Variants in AARS1 observed in about 807,000 individuals in gnomAD.
AARS1 encodes the protein alanine--tRNA ligase, cytoplasmic.
Under a neutral mutation model 108.9 loss-of-function variants are expected in AARS1, and 72 were observed. The observed-to-expected ratio is 0.66, with a 90% CI of 0.55 to 0.80. The LOEUF is 0.80. Ranked by LOEUF, AARS1 falls within the 30% of genes least tolerant of loss-of-function variation. AARS1 has a pLI of 0.00. For missense variants in AARS1, 1,193 were observed against 1,233.2 expected (o/e 0.97, Z 0.49); for synonymous variants, 489 against 465.7 (o/e 1.05, Z -0.64).
At chr16:70,271,181 C>T (rs578152547) in intron 5 of AARS1, among the ~76,000 whole-genome samples, 1 of 148,652 alleles carries the variant, frequency 6.7e-6, no homozygotes, top group South Asian at 2.1e-4. Context: ...TCTCCAAAAA[C>T]AAAAACAAAA....
In AARS1 at chr16:70,272,059, G is replaced by T; in HGVS notation, c.480-87C>A. 1.6e-6 allele frequency: 2 copies of T among 1,290,066 alleles called. 1 individual carries two copies. The highest frequency in any genetic ancestry group is 2.4e-5 in the South Asian group (2 of 83,242). 79.9% of individuals were successfully genotyped at this position (1,290,066 alleles called of 1,614,324 possible). A position where few individuals can be genotyped will look rare whatever the true frequency, so the allele number is the denominator to read the frequency against. On this transcript the variant is annotated intron_variant, in intron 4 of 20. Transcript: ENST00000261772. The stretch of plus-strand genomic sequence containing the variant: ...CAACCACCGCAAAAGAAATTCTTAG[G>T]ATTGGCCGGGCACAGTGGCTCATGT...
intron 17 of AARS1, 152 bp from the exon 18 acceptor site, chr16:70,254,190 G>C: frequency 2.8e-6 from 3 of 1,072,332 alleles, no homozygotes; most frequent in Non-Finnish European, 4.2e-6. Flanking sequence ...AGGAGCAGCT[G>C]TGGCAGGTGA....
intron 2 of AARS1, among the ~76,000 whole-genome samples, chr16:70,280,761 T>G (rs556483642): frequency 2.0e-5 from 3 of 152,224 alleles, no homozygotes; most frequent in Non-Finnish European, 2.9e-5. Context: ...CTTTATAAAC[T>G]TGTCATGCTT....
rs777561554 is a variant in AARS1 at position 70,282,775 on chromosome 16, C to T, written c.-12G>A. 1 of 1,613,744 alleles carries T rather than the reference C, an allele frequency of 6.2e-7. No individual in the cohort carries two copies. Among genetic ancestry groups the T allele is most frequent in the Non-Finnish European group, 8.5e-7 (1 of 1,179,860 alleles). Reference sequence around the variant, plus strand: ...AGAGTAGAGTCCATCTTGAAAGTCACCCCAAAGAACTAATCAAAGAAAAAA... The same window carrying T: ...AGAGTAGAGTCCATCTTGAAAGTCATCCCAAAGAACTAATCAAAGAAAAAA... On this transcript the variant is annotated 5_prime_UTR_variant, in exon 2 of 21. In the 5' UTR this introduces an upstream ATG that the reference lacks. Transcript: ENST00000261772.
chr16:70,255,781 T>C lies in AARS1; in HGVS notation c.2233A>G (p.Ile745Val). ...GAFVIVTEEA[I>V]AKGIRRIVAV... is the part of the protein sequence containing the mutation. Reference sequence around the variant, plus strand: ...ACAATCCTCCGGATACCCTTGGCAATGGCTTCTTCCGTCACGATCACAAAA... The same window carrying C: ...ACAATCCTCCGGATACCCTTGGCAACGGCTTCTTCCGTCACGATCACAAAA... Residue 745 changes from isoleucine (I) to valine (V), a missense_variant, in exon 16 of 21, where the codon ATT becomes GTT. Transcript: ENST00000261772. The C allele has an allele frequency of 6.2e-7, 1 of 1,614,214 alleles. No homozygotes were observed. The highest frequency in any genetic ancestry group is 8.5e-7 in the Non-Finnish European group (1 of 1,180,030).
chr16:70,265,142 G>A, intron 10 of AARS1, 40 bp from the exon 11 acceptor site: 1 of 1,612,546 alleles, frequency 6.2e-7, no homozygotes, highest in Non-Finnish European at 8.5e-7. Flanking sequence ...CCGTAAAGTA[G>A]GAGAAAAGGG....
In AARS1 at chr16:70,288,507, G is replaced by A. The variant is rs537369999; in HGVS notation, c.-22+914C>T. Reference sequence around the variant, plus strand: ...ATACGCGCTTCATGGATTGTTTAATGTGCGCCTCCCCCATCAGGCTGTCAG... The same window carrying A: ...ATACGCGCTTCATGGATTGTTTAATATGCGCCTCCCCCATCAGGCTGTCAG... On this transcript the variant is annotated intron_variant, in intron 1 of 20. Coordinates refer to ENST00000261772, the MANE Select transcript of AARS1 (RefSeq NM_001605.3). Among the ~76,000 whole-genome samples the A allele has an allele frequency of 2.6e-4, 39 of 150,634 alleles. 1 individual carries two copies. The highest frequency in any genetic ancestry group is 9.3e-4 in the African/African-American group (38 of 40,930).
chr16:70,278,746 C>T (rs1386529117), intron 2 of AARS1, among the ~76,000 whole-genome samples: 1 of 152,056 alleles, frequency 6.6e-6, no homozygotes, highest in Non-Finnish European at 1.5e-5. Flanking sequence ...AACACTCTCT[C>T]ACTCATCTCT....
intron 12 of AARS1, among the ~76,000 whole-genome samples, chr16:70,261,730 C>T (rs983260295): frequency 1.4e-5 from 2 of 140,946 alleles, no homozygotes; most frequent in Non-Finnish European, 1.5e-5. Context: ...AGTGCAGTGG[C>T]GCAATCTCGG....
chr16:70,264,922 A>T (rs2152158255), intron 11 of AARS1, 36 bp downstream of exon 11: 1 of 1,613,766 alleles, frequency 6.2e-7, no homozygotes, highest in East Asian at 2.2e-5. Flanking sequence ...GATACGGGGC[A>T]GAATGCTCAG....
intron 12 of AARS1, chr16:70,261,490 C>T (rs184010145): frequency 2.4e-5 from 7 of 295,658 alleles, no homozygotes; most frequent in African/African-American, 1.3e-4. Flanking sequence ...TCCACCTACT[C>T]AGGAGGCAGA....
rs549154508 is a variant in AARS1 at position 70,277,857 on chromosome 16, A to G, written c.145-703T>C. ...AACCTCCATCTCCCGGGTTCAAGCG[A>G]TTCTCTTGCCTCAGCCTCCCAAGTA... On this transcript the variant is annotated intron_variant, in intron 2 of 20. Transcript: ENST00000261772. 7.3e-4 allele frequency among the ~76,000 whole-genome samples: 110 copies of G among 151,150 alleles called. 3 individuals are homozygous for G. The South Asian group carries it at 0.022, about 31-fold the overall frequency.
Position 70,265,105 on chromosome 16 carries a change from G to A in AARS1, c.1348-3C>T. 1 of 1,614,064 alleles carries A rather than the reference G, an allele frequency of 6.2e-7. No homozygotes were observed. Among genetic ancestry groups the A allele is most frequent in the Non-Finnish European group, 8.5e-7 (1 of 1,180,024 alleles). ...GCTCCCTTGCCCTGTGATTTCAGCTGTCAGCAAGAGAAACAAGCATAAGTT... is the reference window on the plus strand; with the variant it reads ...GCTCCCTTGCCCTGTGATTTCAGCTATCAGCAAGAGAAACAAGCATAAGTT... On this transcript the variant is annotated splice_region_variant and splice_polypyrimidine_tract_variant and intron_variant, in intron 10 of 20. Coordinates refer to ENST00000261772, the MANE Select transcript of AARS1 (RefSeq NM_001605.3).
chr16:70,269,476 G>A (rs892935116), intron 7 of AARS1, 142 bp downstream of exon 7: 1 of 1,249,668 alleles, frequency 8.0e-7, no homozygotes, highest in Non-Finnish European at 1.1e-6. Context: ...AGAGGTTGCA[G>A]TGAGGCAAGA....
intron 14 of AARS1, 83 bp from the exon 15 acceptor site, chr16:70,258,300 G>C: frequency 6.8e-7 from 1 of 1,471,180 alleles, no homozygotes; most frequent in Non-Finnish European, 9.3e-7. Flanking sequence ...TGGTCCTGCA[G>C]GCAGGACTCG....
intron 11 of AARS1, 93 bp from the exon 12 acceptor site, chr16:70,262,617 C>G (rs1960160821): frequency 1.6e-6 from 2 of 1,216,290 alleles, no homozygotes; most frequent in Admixed American, 2.4e-5. Flanking sequence ...CTTTCGCAAA[C>G]TCTTCTTAGC....
chr16:70,270,553 G>C (rs765157487), intron 5 of AARS1, among the ~76,000 whole-genome samples: 4 of 152,030 alleles, frequency 2.6e-5, no homozygotes, highest in Non-Finnish European at 5.9e-5. Context: ...TAAGAGTGAG[G>C]AAAGGCCAGG....
chr16:70,278,356 G>A (rs1457329359), intron 2 of AARS1, among the ~76,000 whole-genome samples: 2 of 151,752 alleles, frequency 1.3e-5, no homozygotes, highest in Middle Eastern at 3.4e-3. Context: ...ACCTGAGGTC[G>A]GGAGTTCGAG....
chr16:70,271,205 T>C (rs1960393181), intron 5 of AARS1, among the ~76,000 whole-genome samples: 1 of 149,508 alleles, frequency 6.7e-6, no homozygotes, highest in Non-Finnish European at 1.5e-5. Context: ...AAAACAAAAC[T>C]GAGGCAAGCT....
Sources: gnomAD v4.1 joint callset for allele counts (sites outside exome capture counted in the v4.1 genomes callset) on GRCh38, gnomAD v4.1.1 for gene constraint, MANE v1.5 for transcripts, NCBI Gene and HGNC (gene_info 2026-07-23, HGNC 2026-07-21) for gene names.